Variants in DOCK1 observed in about 807,000 individuals in gnomAD.
The protein encoded by DOCK1 is dedicator of cytokinesis protein 1.
In DOCK1, 138 loss-of-function variants were observed where a neutral mutation model predicts 262.7. The ratio of observed to expected loss-of-function variants is 0.53; its 90% CI spans 0.46 to 0.61. The LOEUF (loss-of-function observed/expected upper bound fraction) is 0.61. Ranked by LOEUF, DOCK1 falls within the 20% of genes least tolerant of loss-of-function variation. The pLI is 0.00. For synonymous variants in DOCK1, 866 were observed against 867.4 expected (o/e 1.00, Z 0.03); for missense variants, 1,908 against 2,370.7 (o/e 0.80, Z 4.05).
At position 127,101,634 on chromosome 10, in the gene DOCK1, T is replaced by C. The variant is rs565353040; in HGVS notation, c.2446-4597T>C. Among the ~76,000 whole-genome samples, 8 of 152,320 alleles carry C rather than the reference T, an allele frequency of 5.3e-5. No homozygotes were observed. In the East Asian group the frequency reaches 1.5e-3, roughly 29 times the overall value. On this transcript the variant is annotated intron_variant, in intron 23 of 51. Transcript: ENST00000623213. Reference sequence around the variant, plus strand: ...CGGGAAGACCACGGCAGGGAAGACTTTGGGAGCCCTCGCCCCGCTTGGCGG... The same window carrying C: ...CGGGAAGACCACGGCAGGGAAGACTCTGGGAGCCCTCGCCCCGCTTGGCGG...
At chr10:127,116,875 T>G (rs115722355) in intron 25 of DOCK1, among the ~76,000 whole-genome samples, 1 of 152,210 alleles carries the variant, frequency 6.6e-6, no homozygotes, top group African/African-American at 2.4e-5. Context: ...TGACTTCTGA[T>G]GAACGGTACC....
At chr10:126,905,792 G>A (rs1446412151) in intron 1 of DOCK1, among the ~76,000 whole-genome samples, 1 of 151,074 alleles carries the variant, frequency 6.6e-6, no homozygotes, top group African/African-American at 2.4e-5. Context: ...AACACGAGGG[G>A]GTGGGGTGGG....
At chr10:127,223,484 C>T (rs2058517155) in intron 27 of DOCK1, among the ~76,000 whole-genome samples, 5 of 152,032 alleles carry the variant, frequency 3.3e-5, no homozygotes, top group African/African-American at 1.2e-4. Flanking sequence ...GCTCCAAAAC[C>T]CCAAAATTTT....
chr10:127,383,834 G>A (rs1291904646), intron 37 of DOCK1, among the ~76,000 whole-genome samples: 1 of 152,226 alleles, frequency 6.6e-6, no homozygotes, highest in Non-Finnish European at 1.5e-5. Context: ...TGAGCCTCCA[G>A]GCTGCCCAGT....
chr10:127,227,605 C>T (rs926554836), intron 27 of DOCK1, among the ~76,000 whole-genome samples: 5 of 152,240 alleles, frequency 3.3e-5, no homozygotes, highest in Non-Finnish European at 5.9e-5. Flanking sequence ...AACCCTACCC[C>T]TTCTGCACCT....
At chr10:127,071,855 T>A (rs1309691590) in intron 23 of DOCK1, among the ~76,000 whole-genome samples, 1 of 152,256 alleles carries the variant, frequency 6.6e-6, no homozygotes, top group African/African-American at 2.4e-5. Flanking sequence ...GTTGATTCCT[T>A]CACATTGCCA....
intron 27 of DOCK1, among the ~76,000 whole-genome samples, chr10:127,159,636 A>G (rs371232072): frequency 1.3e-5 from 2 of 152,152 alleles, no homozygotes; most frequent in East Asian, 3.9e-4. Context: ...TTGTATATTT[A>G]TTTTAAAAAC....
chr10:127,031,626 A>G (rs1425140682), intron 16 of DOCK1, 24 bp from the exon 17 acceptor site: 4 of 1,571,598 alleles, frequency 2.5e-6, no homozygotes, highest in Non-Finnish European at 3.5e-6. Context: ...GCAATCATCA[A>G]TTTTTTTGTT....
At chr10:127,120,867 ACTTTGTATAAT>A (rs2049514059) in intron 25 of DOCK1, among the ~76,000 whole-genome samples, 2 of 152,156 alleles carry the variant, frequency 1.3e-5, no homozygotes, top group African/African-American at 4.8e-5. Flanking sequence ...TGAACAGCTG[ACTTTGTATAAT>A]ACTATACCTT....
chr10:127,255,509 C>T (rs574720392), intron 28 of DOCK1, among the ~76,000 whole-genome samples: 28 of 152,260 alleles, frequency 1.8e-4, no homozygotes, highest in African/African-American at 6.5e-4. Context: ...TGGAACAGTC[C>T]GGTAAGCCTC....
At chr10:127,141,683 A>G (rs1352681427) in intron 27 of DOCK1, among the ~76,000 whole-genome samples, 1 of 152,088 alleles carries the variant, frequency 6.6e-6, no homozygotes, top group Admixed American at 6.6e-5. Flanking sequence ...AAACAAAAAA[A>G]AAAAAAAAGC....
At chr10:127,348,055 C>T (rs1270432994) in intron 31 of DOCK1, among the ~76,000 whole-genome samples, 1 of 151,280 alleles carries the variant, frequency 6.6e-6, no homozygotes, top group Admixed American at 6.6e-5. Flanking sequence ...AGACATTCCC[C>T]AAAGTGCATG....
At chr10:127,054,749 A>G (rs1044842027) in intron 22 of DOCK1, among the ~76,000 whole-genome samples, 3 of 152,256 alleles carry the variant, frequency 2.0e-5, no homozygotes, top group Middle Eastern at 3.4e-3. Context: ...GTCATGTTTT[A>G]TTTGAAAAAT....
chr10:127,240,224 A>G (rs1184014023), intron 27 of DOCK1, among the ~76,000 whole-genome samples: 1 of 151,528 alleles, frequency 6.6e-6, no homozygotes. Context: ...CCAAATAGCT[A>G]AAAGATGACA....
chr10:127,196,768 G>GCTGCCGC (rs2057202151), intron 27 of DOCK1, among the ~76,000 whole-genome samples: 1 of 151,882 alleles, frequency 6.6e-6, no homozygotes, highest in South Asian at 2.1e-4. Context: ...GCTGCCGCCG[G>GCTGCCGC]CTGCCGCCTG....
chr10:127,255,540 A>G (rs1475538164), intron 28 of DOCK1, among the ~76,000 whole-genome samples: 7 of 152,310 alleles, frequency 4.6e-5, no homozygotes, highest in African/African-American at 1.2e-4. Context: ...CAAGGCAAAC[A>G]CAGTTGTTAG....
intron 29 of DOCK1, among the ~76,000 whole-genome samples, chr10:127,288,078 A>G (rs1310740066): frequency 2.6e-5 from 4 of 152,172 alleles, no homozygotes; most frequent in Non-Finnish European, 5.9e-5. Context: ...TAAATAGTGA[A>G]TTGGTTCCCT....
intron 29 of DOCK1, among the ~76,000 whole-genome samples, chr10:127,300,082 A>T (rs1055046926): frequency 2.6e-5 from 4 of 152,068 alleles, no homozygotes; most frequent in African/African-American, 9.7e-5. Flanking sequence ...CAGCAAAGGG[A>T]AGGTGACCAG....
intron 27 of DOCK1, among the ~76,000 whole-genome samples, chr10:127,164,157 TCC>T (rs1386462818): frequency 7.8e-6 from 1 of 127,390 alleles, no homozygotes; most frequent in African/African-American, 2.9e-5. Context: ...GTCATTTGCC[TCC>T]TTTTTTTTTT....
Sources: gnomAD v4.1 joint callset for allele counts (sites outside exome capture counted in the v4.1 genomes callset) on GRCh38, gnomAD v4.1.1 for gene constraint, MANE v1.5 for transcripts, NCBI Gene and HGNC (gene_info 2026-07-23, HGNC 2026-07-21) for gene names.